Variants in LDLRAD4 observed in about 807,000 individuals in gnomAD.
LDLRAD4 encodes the protein low density lipoprotein receptor class A domain containing 4, also known as low-density lipoprotein receptor class A domain-containing protein 4.
Under a neutral mutation model 17.0 loss-of-function variants are expected in LDLRAD4, and 5 were observed. The observed-to-expected ratio is 0.29, with a 90% confidence interval of 0.15 to 0.62. The LOEUF is 0.62. Among genes scored for constraint, LDLRAD4 ranks in the 20% least tolerant of loss-of-function variants. The probability of loss-of-function intolerance (pLI) is 0.84; values close to 1 mark genes in which losing one functional copy is unlikely to be tolerated. For synonymous variants in LDLRAD4, 168 were observed against 171.8 expected (o/e 0.98, Z 0.17); for missense variants, 340 against 424.7 (o/e 0.80, Z 1.75).
intron 2 of LDLRAD4, among the ~76,000 whole-genome samples, chr18:13,388,545 G>A (rs2086008722): frequency 6.6e-6 from 1 of 152,216 alleles, no homozygotes; most frequent in Admixed American, 6.5e-5. Flanking sequence ...GGTAGAAATA[G>A]TCACAAGAAG....
At chr18:13,507,254 G>A (rs532273567) in intron 3 of LDLRAD4, among the ~76,000 whole-genome samples, 2 of 152,080 alleles carry the variant, frequency 1.3e-5, no homozygotes, top group Admixed American at 1.3e-4. Context: ...TCTGAAATTT[G>A]GGTGCACCCA....
chr18:13,332,311 TC>T (rs1339615969), intron 1 of LDLRAD4, among the ~76,000 whole-genome samples: 1 of 152,222 alleles, frequency 6.6e-6, no homozygotes, highest in Non-Finnish European at 1.5e-5. Flanking sequence ...AAAAATTTTC[TC>T]ATATACCTCT....
chr18:13,290,319 T>A (rs1032828172), intron 1 of LDLRAD4, among the ~76,000 whole-genome samples: 2 of 152,238 alleles, frequency 1.3e-5, no homozygotes, highest in Non-Finnish European at 2.9e-5. Context: ...ATGTTTGGCT[T>A]GCAGATAGTT....
chr18:13,650,443 T>G (rs1221139856), exon 6 of LDLRAD4: 3 of 398,390 alleles, frequency 7.5e-6, no homozygotes, highest in Non-Finnish European at 1.3e-5. Context: ...GTGCACATTA[T>G]ATATATGTAG....
intron 3 of LDLRAD4, among the ~76,000 whole-genome samples, chr18:13,444,156 G>A (rs1473718457): frequency 2.0e-5 from 3 of 152,156 alleles, no homozygotes; most frequent in Non-Finnish European, 4.4e-5. Flanking sequence ...CTCTGCACAG[G>A]TGACCACTGA....
chr18:13,509,153 A>C (rs537297086), intron 3 of LDLRAD4, among the ~76,000 whole-genome samples: 2 of 152,334 alleles, frequency 1.3e-5, no homozygotes, highest in South Asian at 4.1e-4. Flanking sequence ...AAAATTTAAA[A>C]CAAAAACAAA....
At chr18:13,257,123 C>T (rs941565464) in intron 1 of LDLRAD4, among the ~76,000 whole-genome samples, 5 of 152,234 alleles carry the variant, frequency 3.3e-5, no homozygotes, top group South Asian at 2.1e-4. Context: ...GGAGTCATGC[C>T]GCGCTGGAGG....
chr18:13,354,329 G>A (rs1216245642), intron 1 of LDLRAD4, among the ~76,000 whole-genome samples: 2 of 152,180 alleles, frequency 1.3e-5, no homozygotes, highest in African/African-American at 4.8e-5. Context: ...AGTTCTTACG[G>A]TGTTGATTTG....
intron 3 of LDLRAD4, among the ~76,000 whole-genome samples, chr18:13,608,677 A>G (rs181518339): frequency 6.6e-6 from 1 of 152,260 alleles, no homozygotes; most frequent in Non-Finnish European, 1.5e-5. Context: ...GCAGGTCTCA[A>G]CTGGTAGCCG....
intron 1 of LDLRAD4, among the ~76,000 whole-genome samples, chr18:13,271,742 A>G (rs887622323): frequency 5.9e-5 from 9 of 152,262 alleles, no homozygotes; most frequent in Middle Eastern, 3.4e-3. Context: ...CACTTGAGCC[A>G]AGAGAGTGTT....
intron 1 of LDLRAD4, among the ~76,000 whole-genome samples, chr18:13,342,477 C>CTTTTTTTTTT (rs10706515): frequency 7.8e-5 from 3 of 38,702 alleles, no homozygotes; most frequent in Admixed American, 3.4e-4. Flanking sequence ...GCCTTCCTGT[C>CTTTTTTTTTT]TTTTTTTTTT....
At chr18:13,365,212 C>T (rs772570259) in intron 1 of LDLRAD4, among the ~76,000 whole-genome samples, 6 of 152,198 alleles carry the variant, frequency 3.9e-5, no homozygotes, top group Non-Finnish European at 8.8e-5. Context: ...CTACACCGTC[C>T]GTGCTTCCAG....
chr18:13,219,152 G>A (rs1182851910), intron 1 of LDLRAD4, among the ~76,000 whole-genome samples, 164 bp downstream of exon 1: 1 of 151,824 alleles, frequency 6.6e-6, no homozygotes, highest in African/African-American at 2.4e-5. Flanking sequence ...ACGCATGGTG[G>A]GTGGGCGGCA....
At chr18:13,565,662 C>G (rs1413853012) in intron 3 of LDLRAD4, among the ~76,000 whole-genome samples, 1 of 152,170 alleles carries the variant, frequency 6.6e-6, no homozygotes, top group Non-Finnish European at 1.5e-5. Context: ...CAAAAGGGTT[C>G]TATTGTGGCT....
chr18:13,408,243 G>A (rs146154144), intron 2 of LDLRAD4, among the ~76,000 whole-genome samples: 2 of 151,808 alleles, frequency 1.3e-5, no homozygotes, highest in African/African-American at 4.8e-5. Flanking sequence ...GTGTGGTGGT[G>A]CAGGCCTGTA....
intron 1 of LDLRAD4, among the ~76,000 whole-genome samples, chr18:13,231,090 T>C (rs2042047859): frequency 1.3e-5 from 2 of 152,202 alleles, no homozygotes; most frequent in Non-Finnish European, 2.9e-5. Context: ...GCTGCGGGGC[T>C]GCAGGGATGA....
rs573859860 is a variant in LDLRAD4 at position 13,248,106 on chromosome 18, G to A, written c.-467+29118G>A. On this transcript the variant is annotated intron_variant, in intron 1 of 5. Coordinates refer to the LDLRAD4 transcript ENST00000399848. ...CTCCTGAGTAGCTGGGATTACAGGC[G>A]TGTGCCACCATGCCTGGCTAATTTT... Among the ~76,000 whole-genome samples, 10 of 152,046 alleles carry A rather than the reference G, an allele frequency of 6.6e-5. No individual in the cohort carries two copies. In the East Asian group the frequency reaches 1.2e-3, roughly 18 times the overall value.
rs908858146 is a variant in LDLRAD4, at chr18:13,529,368, G to C, written c.181+90984G>C. Among the ~76,000 whole-genome samples the C allele has an allele frequency of 3.3e-5, 5 of 152,246 alleles. No homozygotes were observed. In the East Asian group the frequency reaches 5.8e-4, roughly 18 times the overall value. ...ATGGCCTTTGATGATACAAATGGTG[G>C]TGATGACTGTAAGCTACCTGGAACA... On this transcript the variant is annotated intron_variant, in intron 3 of 5. Transcript: ENST00000359446.
At chr18:13,642,268 G>A (rs2042641196) in intron 4 of LDLRAD4, 1 of 987,814 alleles carries the variant, frequency 1.0e-6, no homozygotes, top group African/African-American at 1.7e-5. Context: ...TGATGGCCCA[G>A]CCCGCCCGTT....
Sources: allele counts gnomAD v4.1 joint callset (sites outside exome capture counted in the v4.1 genomes callset), GRCh38; gene constraint gnomAD v4.1.1; transcripts MANE v1.5; gene names NCBI Gene and HGNC (gene_info 2026-07-23, HGNC 2026-07-21).